The following NSMAF variants were observed in gnomAD, a reference collection of about 807,000 sequenced individuals.
The protein encoded by NSMAF is neutral sphingomyelinase activation associated factor.
NSMAF carries 90 observed loss-of-function variants against 134.9 expected under a neutral mutation model. The ratio of observed to expected loss-of-function variants is 0.67; its 90% CI spans 0.56 to 0.79. The LOEUF (loss-of-function observed/expected upper bound fraction) is 0.79, where lower values mean the gene tolerates loss of function less well. Ranked by LOEUF, NSMAF falls within the 30% of genes least tolerant of loss-of-function variation. The probability of loss-of-function intolerance (pLI) is 0.00; values close to 1 mark genes in which losing one functional copy is unlikely to be tolerated. For missense variants in NSMAF, 1,010 were observed against 1,119.0 expected, an observed-to-expected ratio of 0.90 and a Z score of 1.39; for synonymous variants, 358 against 389.6, an observed-to-expected ratio of 0.92 and a Z score of 0.96.
At chr8:58,589,810 G>C in intron 25 of NSMAF, 197 bp downstream of exon 25, 1 of 592,822 alleles carries the variant, frequency 1.7e-6, no homozygotes, top group Non-Finnish European at 2.8e-6. Context: ...GAGAAAAACA[G>C]ACTCCAATTG....
At chr8:58,615,671 C>T (rs995410856) in intron 9 of NSMAF, among the ~76,000 whole-genome samples, 3 of 152,034 alleles carry the variant, frequency 2.0e-5, no homozygotes, top group Non-Finnish European at 2.9e-5. Flanking sequence ...CAGAATGTTG[C>T]AAAAGCAGTG....
At chr8:58,623,898 T>C in intron 6 of NSMAF, 118 bp from the exon 7 acceptor site, 1 of 727,714 alleles carries the variant, frequency 1.4e-6, no homozygotes, top group Non-Finnish European at 2.3e-6. Flanking sequence ...TTACCTAGTG[T>C]AACTTCCCCA....
intron 1 of NSMAF, among the ~76,000 whole-genome samples, chr8:58,643,427 A>G (rs1458786144): frequency 2.0e-5 from 3 of 152,122 alleles, no homozygotes; most frequent in Non-Finnish European, 4.4e-5. Flanking sequence ...CTGACTGAAC[A>G]ATGCTAGGCT....
chr8:58,598,518 A>G (rs1317030644), intron 19 of NSMAF, among the ~76,000 whole-genome samples: 3 of 151,094 alleles, frequency 2.0e-5, no homozygotes, highest in African/African-American at 7.3e-5. Flanking sequence ...AAAAGAAAAA[A>G]AAAAGAAAAG....
chr8:58,584,166 A>G lies in NSMAF; in HGVS notation c.2694T>C (p.Cys898=). Residue 898 remains cysteine (C), a synonymous_variant, in exon 31 of 31, where the codon TGT becomes TGC. Transcript: ENST00000038176. ...CTTCCCCTCCTGTGATGATACTGCT[A>G]CACTGTTCATTCATCCATATACATG... ...AVTCIWMNEQ[C]SSIITGGEDR... 4 of 1,613,798 alleles carry G rather than the reference A, an allele frequency of 2.5e-6. No individual in the cohort carries two copies. The South Asian group carries it at 3.3e-5, about 13-fold the overall frequency.
intron 6 of NSMAF, among the ~76,000 whole-genome samples, chr8:58,629,707 G>A (rs1360503308): frequency 6.6e-6 from 1 of 152,192 alleles, no homozygotes; most frequent in African/African-American, 2.4e-5. Context: ...TCATTAATCA[G>A]CCTGGCTAGA....
chr8:58,598,490 C>CAAAAA (rs71250204), intron 19 of NSMAF, among the ~76,000 whole-genome samples: 96 of 125,954 alleles, frequency 7.6e-4, no homozygotes, highest in Non-Finnish European at 9.7e-4. Context: ...CTGTCTCAAA[C>CAAAAA]AAAAAAAAAA....
chr8:58,594,285 A>ACTGCT lies in NSMAF; in HGVS notation c.1893_1897dup (p.Val633GlufsTer24). On this transcript the variant is annotated frameshift_variant, in exon 23 of 31. Coordinates refer to ENST00000038176, the MANE Select transcript of NSMAF (RefSeq NM_003580.4). LOFTEE classifies it high-confidence loss of function. Reference sequence around the variant, plus strand: ...ATTGCGAGAGACCGTGATTCCAGTAACTGCTCTGCTCAAAAACAAAGTTTC... The same window carrying ACTGCT: ...ATTGCGAGAGACCGTGATTCCAGTAACTGCTCTGCTCTGCTCAAAAACAAAGTTTC... The ACTGCT allele has an allele frequency of 6.2e-7, 1 of 1,614,004 alleles. No individual in the cohort carries two copies. Among genetic ancestry groups the ACTGCT allele is most frequent in the Non-Finnish European group, 8.5e-7 (1 of 1,179,854 alleles).
intron 23 of NSMAF, among the ~76,000 whole-genome samples, chr8:58,592,666 A>C (rs1221205033): frequency 2.0e-5 from 3 of 152,118 alleles, no homozygotes; most frequent in African/African-American, 7.2e-5. Flanking sequence ...GGCAGGTGGA[A>C]CACCTGAGGT....
chr8:58,632,657 A>C (rs1807080726), intron 5 of NSMAF, among the ~76,000 whole-genome samples: 1 of 152,146 alleles, frequency 6.6e-6, no homozygotes, highest in Non-Finnish European at 1.5e-5. Flanking sequence ...TCCCCAGGAA[A>C]TCTTATCCAG....
At chr8:58,599,483 G>A in intron 18 of NSMAF, 120 bp from the exon 19 acceptor site, 1 of 1,179,252 alleles carries the variant, frequency 8.5e-7, no homozygotes. Context: ...ATTTCTTAAT[G>A]CAGTTTTCTT....
chr8:58,590,942 A>C lies in NSMAF; in HGVS notation c.1952-8T>G. 1 of 1,567,536 alleles carries C rather than the reference A, an allele frequency of 6.4e-7. No individual in the cohort carries two copies. On this transcript the variant is annotated splice_polypyrimidine_tract_variant and splice_region_variant and intron_variant, in intron 23 of 30. Coordinates refer to ENST00000038176, the MANE Select transcript of NSMAF (RefSeq NM_003580.4). ...ACATCTTCAAGGTGGAATCTAATTT[A>C]ATAATGAGAAGTAGATATATAAGAA...
intron 6 of NSMAF, among the ~76,000 whole-genome samples, chr8:58,625,263 T>C (rs865984508): frequency 6.6e-6 from 1 of 152,200 alleles, no homozygotes; most frequent in Non-Finnish European, 1.5e-5. Flanking sequence ...CTCTCCTGGG[T>C]CTGGAATTCT....
intron 1 of NSMAF, among the ~76,000 whole-genome samples, chr8:58,646,747 A>G (rs1205514004): frequency 1.3e-5 from 2 of 152,238 alleles, no homozygotes; most frequent in Non-Finnish European, 2.9e-5. Context: ...GCTTAAAAAA[A>G]AAAATTAAAA....
rs747333760 is a variant in NSMAF, at chr8:58,587,708, T to C, written c.2212-7A>G. 1 of 1,611,136 alleles carries C rather than the reference T, an allele frequency of 6.2e-7. No individual in the cohort carries two copies. Among genetic ancestry groups the C allele is most frequent in the Admixed American group, 1.7e-5 (1 of 59,568 alleles). On this transcript the variant is annotated splice_polypyrimidine_tract_variant and splice_region_variant and intron_variant, in intron 26 of 30. Transcript: ENST00000038176. ...CAGGAACACCAGACCACACCTAGGA[T>C]GGAACATATTGCAGAAGGTATTTTC...
chr8:58,599,819 T>G lies in NSMAF; in HGVS notation c.1384A>C (p.Lys462Gln). 1.2e-6 allele frequency: 2 copies of G among 1,614,150 alleles called. No individual in the cohort carries two copies. The highest frequency in any genetic ancestry group is 8.5e-7 in the Non-Finnish European group (1 of 1,180,014). Residue 462 changes from lysine to glutamine, a missense_variant, in exon 18 of 31, where the codon AAG (lysine) becomes CAG (glutamine). By Grantham distance (53) the Lys-to-Gln change is moderately conservative (BLOSUM62 1). Coordinates refer to ENST00000038176, the MANE Select transcript of NSMAF (RefSeq NM_003580.4). ...CCTTGTCTCTTTCCCAAATCCAACT[T>G]CAGGCTATTGACTAGAAAGCTCACA... is the stretch of plus-strand genomic sequence containing the variant. Reference protein sequence around the residue: ...DDVSFLVNSLKLDLGKRQGGQ... With the variant: ...DDVSFLVNSLQLDLGKRQGGQ...
At chr8:58,626,104 T>C (rs1334518590) in intron 6 of NSMAF, among the ~76,000 whole-genome samples, 1 of 143,218 alleles carries the variant, frequency 7.0e-6, no homozygotes, top group East Asian at 2.0e-4. Flanking sequence ...TTTTTTTTTT[T>C]TTTTTTTTGA....
intron 9 of NSMAF, among the ~76,000 whole-genome samples, chr8:58,612,820 C>G (rs1806561349): frequency 6.6e-6 from 1 of 152,108 alleles, no homozygotes; most frequent in Non-Finnish European, 1.5e-5. Context: ...ATTTCCCCAT[C>G]ATACACTCTG....
At chr8:58,630,620 C>T (rs1807037368) in intron 6 of NSMAF, among the ~76,000 whole-genome samples, 1 of 152,118 alleles carries the variant, frequency 6.6e-6, no homozygotes, top group South Asian at 2.1e-4. Context: ...GGGGAAAGAG[C>T]TGTAATATAA....
Sources: gnomAD v4.1 joint callset for allele counts (sites outside exome capture counted in the v4.1 genomes callset) on GRCh38, gnomAD v4.1.1 for gene constraint, MANE v1.5 for transcripts, NCBI Gene and HGNC (gene_info 2026-07-23, HGNC 2026-07-21) for gene names.